Variants in PIK3R3 observed in about 807,000 individuals in gnomAD.
The protein encoded by PIK3R3 is phosphatidylinositol 3-kinase regulatory subunit gamma.
A neutral mutation model predicts 62.9 loss-of-function variants in PIK3R3; 64 were observed. That is an observed-to-expected ratio of 1.02 (90% CI 0.83 to 1.25). The LOEUF (loss-of-function observed/expected upper bound fraction) is 1.25, where lower values mean the gene tolerates loss of function less well. PIK3R3 is among the 50% of genes most tolerant of loss of function. The probability of loss-of-function intolerance (pLI) is 0.00; values close to 1 mark genes in which losing one functional copy is unlikely to be tolerated. For synonymous variants in PIK3R3, 165 were observed against 189.0 expected (o/e 0.87, Z 1.04); for missense variants, 614 against 561.6 (o/e 1.09, Z -0.94).
chr1:46,077,686 T>C, intron 2 of PIK3R3, 73 bp from the exon 3 acceptor site: 1 of 857,510 alleles, frequency 1.2e-6, no homozygotes, highest in Non-Finnish European at 2.0e-6. Context: ...GTGCCTTCTT[T>C]ACATGTTACT....
At chr1:46,100,784 A>G (rs190680140) in intron 1 of PIK3R3, among the ~76,000 whole-genome samples, 47 of 152,320 alleles carry the variant, frequency 3.1e-4, no homozygotes, top group Admixed American at 2.6e-3. Flanking sequence ...TGGAAATTGT[A>G]TACTTTTCAA....
intron 1 of PIK3R3, among the ~76,000 whole-genome samples, chr1:46,113,641 C>T (rs1055015121): frequency 1.3e-5 from 2 of 152,162 alleles, no homozygotes; most frequent in Non-Finnish European, 2.9e-5. Context: ...GTTTTAATAA[C>T]TTTATGCATT....
In PIK3R3 at chr1:46,132,610, A is replaced by G. The variant is rs114819755; in HGVS notation, c.-658T>C. ...TGTAAGAACCAACCCGACCGCACCA[A>G]CTGCCCTCAAGCTCTGCCCGGACTC... is the stretch of plus-strand genomic sequence containing the variant. On this transcript the variant is annotated 5_prime_UTR_variant, in exon 1 of 10. Coordinates refer to ENST00000262741, the MANE Select transcript of PIK3R3 (RefSeq NM_003629.4). 8,827 of 1,289,486 alleles carry G rather than the reference A, an allele frequency of 6.8e-3. 517 individuals carry two copies. The African/African-American group carries it at 0.12, about 18-fold the overall frequency. The allele number at this position is 1,289,486 out of a possible 1,614,324, so 79.9% of individuals were successfully genotyped here. A position where few individuals can be genotyped will look rare whatever the true frequency, so the allele number is the denominator to read the frequency against.
intron 1 of PIK3R3, among the ~76,000 whole-genome samples, chr1:46,103,933 G>A (rs767109618): frequency 1.3e-4 from 20 of 150,704 alleles, no homozygotes; most frequent in Middle Eastern, 3.5e-3. Flanking sequence ...TCTTTTTTTT[G>A]TTGTTTTTTT....
At position 46,043,725 on chromosome 1, in the gene PIK3R3, T is replaced by A. The variant is rs779144895; in HGVS notation, c.1334A>T (p.Asn445Ile). 1 of 1,614,220 alleles carries A rather than the reference T, an allele frequency of 6.2e-7. No individual in the cohort carries two copies. The highest frequency in any genetic ancestry group is 1.1e-5 in the South Asian group (1 of 91,084). Residue 445 changes from asparagine to isoleucine, a missense_variant, in exon 10 of 10, where the codon AAC becomes ATC. Asn to Ile is a moderately radical substitution (Grantham distance 149). Transcript: ENST00000262741. ...TSLVQHNDSLNVRLAYPVHAQ... is the reference protein window; with the variant it reads ...TSLVQHNDSLIVRLAYPVHAQ... ...ATGAACAGGGTAGGCAAGCCTGACG[T>A]TGAGGGAGTCGTTGTGCTGAACCAA... is the stretch of plus-strand genomic sequence containing the variant.
chr1:46,125,748 C>A (rs962076620), intron 1 of PIK3R3, among the ~76,000 whole-genome samples: 1 of 151,600 alleles, frequency 6.6e-6, no homozygotes, highest in Non-Finnish European at 1.5e-5. Context: ...TCTCAAAATG[C>A]GATCTAGAGT....
At chr1:46,050,986 C>T (rs1280424729) in intron 7 of PIK3R3, among the ~76,000 whole-genome samples, 1 of 151,998 alleles carries the variant, frequency 6.6e-6, no homozygotes, top group Non-Finnish European at 1.5e-5. Flanking sequence ...TATGAAATGT[C>T]CAGAATAGAC....
At chr1:46,148,616 G>C in the PIK3R3 span, among the ~76,000 whole-genome samples, 1 of 152,138 alleles carries the variant, frequency 6.6e-6, no homozygotes, top group African/African-American at 2.4e-5. Flanking sequence ...GCAGAGTGCA[G>C]GGATCAGTTG....
At chr1:46,166,212 TTTC>T in the PIK3R3 span, among the ~76,000 whole-genome samples, 1 of 150,620 alleles carries the variant, frequency 6.6e-6, no homozygotes, top group Non-Finnish European at 1.5e-5. Context: ...GCTTTTTTCT[TTTC>T]TTTTCTTTTC....
At chr1:46,168,981 T>G in the PIK3R3 span, among the ~76,000 whole-genome samples, 1 of 152,206 alleles carries the variant, frequency 6.6e-6, no homozygotes, top group Non-Finnish European at 1.5e-5. Flanking sequence ...CAATCTGAGC[T>G]GAGACTACCC....
chr1:46,104,262 G>A (rs1418489468), intron 1 of PIK3R3, among the ~76,000 whole-genome samples: 1 of 152,098 alleles, frequency 6.6e-6, no homozygotes, highest in Non-Finnish European at 1.5e-5. Flanking sequence ...ATAAAAAAAA[G>A]GAAATCGTAC....
the PIK3R3 span, among the ~76,000 whole-genome samples, chr1:46,165,305 CTTT>C: frequency 6.2e-5 from 8 of 130,000 alleles, no homozygotes; most frequent in East Asian, 2.2e-4. Context: ...TCTTCTTCTT[CTTT>C]TTTTTTTTTT....
At chr1:46,065,686 G>A (rs1313764622) in intron 5 of PIK3R3, among the ~76,000 whole-genome samples, 1 of 152,152 alleles carries the variant, frequency 6.6e-6, no homozygotes, top group Non-Finnish European at 1.5e-5. Context: ...GGTTGTGATG[G>A]CTGATATTAG....
the PIK3R3 span, among the ~76,000 whole-genome samples, chr1:46,155,428 G>A: frequency 6.6e-6 from 1 of 150,742 alleles, no homozygotes; most frequent in Non-Finnish European, 1.5e-5. Flanking sequence ...TGCTCCACAA[G>A]TTTTGTTTCC....
At chr1:46,106,754 T>C (rs1653244694) in intron 1 of PIK3R3, among the ~76,000 whole-genome samples, 1 of 152,150 alleles carries the variant, frequency 6.6e-6, no homozygotes, top group Admixed American at 6.5e-5. Flanking sequence ...TCCTTTATGA[T>C]ATCCACAGAT....
intron 1 of PIK3R3, among the ~76,000 whole-genome samples, chr1:46,098,713 C>CT (rs964777622): frequency 5.3e-5 from 8 of 151,842 alleles, no homozygotes; most frequent in South Asian, 2.1e-4. Flanking sequence ...ATGACTTTTT[C>CT]TTTTTTTTGA....
At chr1:46,060,772 A>C (rs933988376) in intron 6 of PIK3R3, among the ~76,000 whole-genome samples, 1 of 152,240 alleles carries the variant, frequency 6.6e-6, no homozygotes, top group Non-Finnish European at 1.5e-5. Flanking sequence ...CCATTAAGCT[A>C]CACTGCCTCA....
At chr1:46,064,999 T>C (rs1648862973) in intron 5 of PIK3R3, among the ~76,000 whole-genome samples, 1 of 152,214 alleles carries the variant, frequency 6.6e-6, no homozygotes, top group South Asian at 2.1e-4. Context: ...AGGTAAGTTA[T>C]TGTTGCACTA....
the PIK3R3 span, among the ~76,000 whole-genome samples, chr1:46,144,693 G>A: frequency 2.8e-4 from 42 of 149,948 alleles, no homozygotes; most frequent in Non-Finnish European, 5.0e-4. Flanking sequence ...ACTTGAACCC[G>A]GGAGGTAGAG....
Sources: gnomAD v4.1 joint callset for allele counts (sites outside exome capture counted in the v4.1 genomes callset) on GRCh38, gnomAD v4.1.1 for gene constraint, MANE v1.5 for transcripts, NCBI Gene and HGNC (gene_info 2026-07-23, HGNC 2026-07-21) for gene names.